The following ITSN1 variants were observed in gnomAD, a reference collection of about 807,000 sequenced individuals.
ITSN1 encodes intersectin-1.
A neutral mutation model predicts 239.8 loss-of-function variants in ITSN1; 58 were observed. That is an observed-to-expected ratio of 0.24 (90% CI 0.20 to 0.30). The LOEUF (loss-of-function observed/expected upper bound fraction) is 0.30. ITSN1 is among the 10% of genes least tolerant of loss of function. The pLI is 1.00. For missense variants in ITSN1, 1,558 were observed against 2,103.3 expected (o/e 0.74, Z 5.07); for synonymous variants, 780 against 770.8 (o/e 1.01, Z -0.20).
At chr21:33,669,164 G>T in intron 1 of ITSN1, among the ~76,000 whole-genome samples, 1 of 151,604 alleles carries the variant, frequency 6.6e-6, no homozygotes, top group Admixed American at 6.6e-5. Flanking sequence ...CTCACTGCAG[G>T]CTCCGCCTCC....
Position 33,761,947 on chromosome 21 carries a change from T to G in ITSN1, c.749T>G (p.Met250Arg). 6.2e-7 allele frequency: 1 copy of G among 1,613,890 alleles called. No homozygotes were observed. The highest frequency in any genetic ancestry group is 8.5e-7 in the Non-Finnish European group (1 of 1,179,748). The change falls in exon 9 of 40, where the codon ATG (methionine) becomes AGG (arginine). Residue 250 changes from methionine to arginine, a missense_variant. Met to Arg is a moderately conservative substitution (Grantham distance 91). Coordinates refer to ENST00000381318, the MANE Select transcript of ITSN1 (RefSeq NM_003024.3). ...LTGPQARTIL[M>R]QSSLPQAQLA... ...GGTCCCCAAGCAAGAACTATTCTTA[T>G]GCAGTCAAGTTTACCACAGGCTCAG...
chr21:33,705,544 C>T (rs2092219365), intron 1 of ITSN1, among the ~76,000 whole-genome samples: 2 of 150,874 alleles, frequency 1.3e-5, no homozygotes, highest in African/African-American at 5.0e-5. Flanking sequence ...CCTGCCACCA[C>T]ACCCGGCTAA....
intron 14 of ITSN1, among the ~76,000 whole-genome samples, chr21:33,778,789 G>A (rs1159997366): frequency 4.3e-5 from 6 of 140,468 alleles, no homozygotes; most frequent in African/African-American, 9.5e-5. Flanking sequence ...CGTTTTAGCC[G>A]GGATGGTCTC....
intron 4 of ITSN1, among the ~76,000 whole-genome samples, chr21:33,722,858 G>A (rs1342514841): frequency 1.3e-5 from 2 of 152,166 alleles, no homozygotes; most frequent in Admixed American, 1.3e-4. Context: ...AAAAAGTGGT[G>A]ACATTTGAAT....
At chr21:33,753,761 T>TAAAAAAAAAAAAAAAA (rs760085854) in intron 7 of ITSN1, among the ~76,000 whole-genome samples, 7 of 81,764 alleles carry the variant, frequency 8.6e-5, no homozygotes, top group African/African-American at 3.4e-4. Flanking sequence ...GTCTCTTTCT[T>TAAAAAAAAAAAAAAAA]AAAAAAAAAA....
At chr21:33,860,562 G>A (rs1415496961) in intron 31 of ITSN1, among the ~76,000 whole-genome samples, 1 of 152,144 alleles carries the variant, frequency 6.6e-6, no homozygotes, top group Non-Finnish European at 1.5e-5. Context: ...GCTGTGTGGG[G>A]GGCCAGGCCT....
At chr21:33,820,849 C>G (rs773876435) in intron 24 of ITSN1, among the ~76,000 whole-genome samples, 2 of 149,158 alleles carry the variant, frequency 1.3e-5, no homozygotes, top group Non-Finnish European at 3.0e-5. Context: ...ATGCACCTCA[C>G]CAAAAGATAA....
intron 29 of ITSN1, among the ~76,000 whole-genome samples, chr21:33,845,988 C>G (rs1315689547): frequency 6.6e-6 from 1 of 152,160 alleles, no homozygotes; most frequent in East Asian, 1.9e-4. Flanking sequence ...GGGCAAGGAG[C>G]CTCCCCCAGC....
intron 19 of ITSN1, among the ~76,000 whole-genome samples, chr21:33,800,985 C>T (rs2071959887): frequency 6.6e-6 from 1 of 151,996 alleles, no homozygotes; most frequent in South Asian, 2.1e-4. Context: ...ATTCTCCCAC[C>T]TCATCCTCCC....
intron 29 of ITSN1, among the ~76,000 whole-genome samples, chr21:33,853,330 C>G (rs528344519): frequency 1.3e-4 from 20 of 152,326 alleles, no homozygotes; most frequent in Non-Finnish European, 2.1e-4. Flanking sequence ...CTGACTTGGG[C>G]CTTGCAAAGT....
chr21:33,760,246 G>A (rs1171379722), intron 8 of ITSN1, among the ~76,000 whole-genome samples: 3 of 152,174 alleles, frequency 2.0e-5, no homozygotes, highest in Non-Finnish European at 4.4e-5. Flanking sequence ...AATAAGCCAG[G>A]TGGAACAGCG....
Position 33,886,345 on chromosome 21 carries a change from G to C in ITSN1, c.4902G>C (p.Thr1634=), listed in dbSNP as rs755507331. ...TMGSQCHITK[T]IQDTLNPKWN... ...GTTCCCAGTGCCACATCACCAAGAC[G>C]ATCCAGGACACTCTGAACCCCAAGT... The change falls in exon 39 of 40, where the codon ACG becomes ACC. Residue 1634 remains threonine (T), a synonymous_variant. Transcript: ENST00000381318. The C allele has an allele frequency of 1.2e-6, 2 of 1,613,958 alleles. No individual in the cohort carries two copies. Among genetic ancestry groups the C allele is most frequent in the Non-Finnish European group, 1.7e-6 (2 of 1,180,002 alleles).
intron 1 of ITSN1, among the ~76,000 whole-genome samples, chr21:33,660,818 A>C (rs947393641): frequency 6.6e-6 from 1 of 152,142 alleles, no homozygotes; most frequent in Non-Finnish European, 1.5e-5. Flanking sequence ...TGTTACAATA[A>C]AATCTGTTGA....
chr21:33,756,025 T>G (rs573072097), intron 8 of ITSN1, among the ~76,000 whole-genome samples: 4 of 152,168 alleles, frequency 2.6e-5, no homozygotes, highest in African/African-American at 9.7e-5. Flanking sequence ...TAAAGAAGGC[T>G]GGGTGCAGTG....
Position 33,797,499 on chromosome 21 carries a change from G to T in ITSN1, c.2073G>T (p.Lys691Asn). The change falls in exon 18 of 40, where the codon AAG becomes AAT. Residue 691 changes from lysine to asparagine, a missense_variant. Physicochemically the swap from Lys to Asn is moderately conservative, Grantham distance 94 (BLOSUM62 0). Around this residue, in one of 2 missense-constraint regions of ITSN1, gnomAD observed 982 missense variants for 1,209.9 expected, o/e 0.81. Coordinates refer to ENST00000381318, the MANE Select transcript of ITSN1 (RefSeq NM_003024.3). This position sits in a 1 kb window ranked among gnomAD's most constrained non-coding sequence, Gnocchi z 4.9. ...AAAGGGAGGAGAGTGTCAAAAAGAA[G>T]GATGGCGAGGAAAAAGGCAAACAGG... Reference protein sequence around the residue: ...KLKREESVKKKDGEEKGKQEA... With the variant: ...KLKREESVKKNDGEEKGKQEA... The T allele has an allele frequency of 6.2e-7, 1 of 1,614,160 alleles. No homozygotes were observed. The highest frequency in any genetic ancestry group is 8.5e-7 in the Non-Finnish European group (1 of 1,180,030).
intron 5 of ITSN1, 176 bp downstream of exon 5, chr21:33,735,380 T>C (rs746841370): frequency 1.4e-6 from 1 of 724,668 alleles, no homozygotes; most frequent in Non-Finnish European, 2.5e-6. Context: ...CATGTTCACA[T>C]TTGAACCCTG....
At chr21:33,664,379 G>T (rs1341387833) in intron 1 of ITSN1, among the ~76,000 whole-genome samples, 4 of 152,146 alleles carry the variant, frequency 2.6e-5, no homozygotes, top group Admixed American at 2.6e-4. Context: ...GTAGGAGCGG[G>T]ATGGGAAGGG....
At chr21:33,654,130 C>T (rs1481853997) in intron 1 of ITSN1, among the ~76,000 whole-genome samples, 1 of 151,916 alleles carries the variant, frequency 6.6e-6, no homozygotes, top group Non-Finnish European at 1.5e-5. Context: ...CACTGTATCC[C>T]CAACCTTCCA....
At position 33,772,280 on chromosome 21, in the gene ITSN1, G is replaced by A. The variant is rs2069225498; in HGVS notation, c.1262G>A (p.Arg421Gln). ...CTGGAAAAGCAGCGGGAGCTAGAAC[G>A]GCAGAGAGAGGAGGAGAGGAGGAAA... is the stretch of plus-strand genomic sequence containing the variant. The part of the protein sequence containing the change: ...KQLEKQRELE[R>Q]QREEERRKEI... Residue 421 changes from arginine (R) to glutamine (Q), a missense_variant, in exon 12 of 40, where the codon CGG becomes CAG. Physicochemically the swap from Arg to Gln is conservative, Grantham distance 43. Transcript: ENST00000381318. The A allele has an allele frequency of 1.0e-5, 16 of 1,570,862 alleles. No homozygotes were observed. Among genetic ancestry groups the A allele is most frequent in the African/African-American group, 2.7e-5 (2 of 73,906 alleles).
Sources: gnomAD v4.1 joint callset for allele counts (sites outside exome capture counted in the v4.1 genomes callset) on GRCh38, gnomAD v4.1.1 for gene constraint, gnomAD v4.1.1 regional missense constraint, Gnocchi (gnomAD v3.1) non-coding constraint, MANE v1.5 for transcripts, NCBI Gene and HGNC (gene_info 2026-07-23, HGNC 2026-07-21) for gene names.